LRRC15: variants seen among roughly 807,000 people sequenced by gnomAD.
The protein encoded by LRRC15 is leucine rich repeat containing 15.
LRRC15 carries 5 observed loss-of-function variants against 4.3 expected under a neutral mutation model. That is an observed-to-expected ratio of 1.16 (90% CI 0.61 to 2.44). The LOEUF is 2.44. Among genes scored for constraint, LRRC15 ranks in the 30% most tolerant of loss-of-function variants. The pLI is 0.01. For missense variants in LRRC15, 769 were observed against 747.0 expected, an observed-to-expected ratio of 1.03 and a Z score of -0.34; for synonymous variants, 337 against 323.2, an observed-to-expected ratio of 1.04 and a Z score of -0.46.
Position 194,360,552 on chromosome 3 carries a change from G to T in LRRC15, c.492C>A (p.Ile164=), listed in dbSNP as rs750757157. 8 of 1,614,076 alleles carry T rather than the reference G, an allele frequency of 5.0e-6. No individual in the cohort carries two copies. In the African/African-American group the frequency reaches 9.3e-5, roughly 19 times the overall value. The change falls in exon 2 of 2, where the codon ATC becomes ATA. Residue 164 remains isoleucine (I), a synonymous_variant. Transcript: ENST00000347624. ...LQLHGNHLEY[I]PDGAFDHLVG... Reference sequence around the variant, plus strand: ...CCAGGTGGTCGAAGGCTCCGTCAGGGATGTATTCCAGGTGGTTGCCGTGCA... The same window carrying T: ...CCAGGTGGTCGAAGGCTCCGTCAGGTATGTATTCCAGGTGGTTGCCGTGCA...
At chr3:194,367,203 C>T (rs1713807133) in intron 1 of LRRC15, among the ~76,000 whole-genome samples, 1 of 152,182 alleles carries the variant, frequency 6.6e-6, no homozygotes. Flanking sequence ...GAGGGTTCAC[C>T]AGAAGGTGTT....
rs1003873585 is a variant in LRRC15, at chr3:194,359,614, T to C, written c.1430A>G (p.His477Arg). Reference protein sequence around the residue: ...INVNVAVPSVHVPEVPSYPET... With the variant: ...INVNVAVPSVRVPEVPSYPET... ...TGGGTAACTAGGCACCTCGGGGACATGGACGCTTGGAACAGCAACGTTGAC... is the reference window on the plus strand; with the variant it reads ...TGGGTAACTAGGCACCTCGGGGACACGGACGCTTGGAACAGCAACGTTGAC... The change falls in exon 2 of 2, where the codon CAT (histidine) becomes CGT (arginine). Residue 477 changes from histidine to arginine, a missense_variant. Transcript: ENST00000347624. 2.5e-6 allele frequency: 4 copies of C among 1,613,834 alleles called. No homozygotes were observed. The highest frequency in any genetic ancestry group is 2.2e-5 in the South Asian group (2 of 91,002).
chr3:194,360,542 C>T lies in LRRC15; in HGVS notation c.502G>A (p.Ala168Thr). The change falls in exon 2 of 2, where the codon GCC becomes ACC. Residue 168 changes from alanine (A) to threonine (T), a missense_variant. Coordinates refer to ENST00000347624, the MANE Select transcript of LRRC15 (RefSeq NM_130830.5). ...GNHLEYIPDGAFDHLVGLTKL... is the reference protein window; with the variant it reads ...GNHLEYIPDGTFDHLVGLTKL... ...GTGAGTCCTACCAGGTGGTCGAAGG[C>T]TCCGTCAGGGATGTATTCCAGGTGG... 1 of 1,614,134 alleles carries T rather than the reference C, an allele frequency of 6.2e-7. No individual in the cohort carries two copies. The highest frequency in any genetic ancestry group is 8.5e-7 in the Non-Finnish European group (1 of 1,180,024).
chr3:194,366,277 G>T (rs1452068432), intron 1 of LRRC15, among the ~76,000 whole-genome samples: 5 of 152,272 alleles, frequency 3.3e-5, no homozygotes, highest in Non-Finnish European at 7.3e-5. Flanking sequence ...CGTTGCTGCT[G>T]TGAGGATTAA....
chr3:194,359,655 G>C lies in LRRC15; in HGVS notation c.1389C>G (p.Ser463=), dbSNP rs777872937. 2.5e-6 allele frequency: 4 copies of C among 1,614,132 alleles called. No individual in the cohort carries two copies. Among genetic ancestry groups the C allele is most frequent in the Middle Eastern group, 1.7e-4 (1 of 6,060 alleles). The change falls in exon 2 of 2, where the codon TCC becomes TCG. Residue 463 remains serine (S), a synonymous_variant. Transcript: ENST00000347624. ...CAACGTTGACATTGATGATAATGAG[G>C]GACTGGCCTCGGACATTGGCTGGGC... is the stretch of plus-strand genomic sequence containing the variant. The part of the protein sequence containing the change: ...CFSPANVRGQ[S]LIIINVNVAV...
chr3:194,364,217 G>C (rs1049702482), intron 1 of LRRC15, among the ~76,000 whole-genome samples: 1 of 152,114 alleles, frequency 6.6e-6, no homozygotes, highest in African/African-American at 2.4e-5. Flanking sequence ...GAGTTTCAGG[G>C]CATGAGAAAA....
In LRRC15 at chr3:194,360,453, G is replaced by T; in HGVS notation, c.591C>A (p.Gly197=). 6.2e-7 allele frequency: 1 copy of T among 1,614,128 alleles called. No homozygotes were observed. The highest frequency in any genetic ancestry group is 1.1e-5 in the South Asian group (1 of 91,078). Residue 197 remains glycine, a synonymous_variant, in exon 2 of 2, where the codon GGC becomes GGA. Transcript: ENST00000347624. ...HISPRVFQHL[G]NLQVLRLYEN... ...CATACAGCCGGAGGACCTGGAGGTT[G>T]CCCAGGTGCTGGAAGACCCTGGGTG...
Position 194,360,685 on chromosome 3 carries a change from AG to A in LRRC15, c.358del (p.Leu120SerfsTer54). Reference protein sequence around the residue: ...NNKLQVLPIGLFQGLDSLESL... With the variant: ...NNKLQVLPIGXFQGLDSLESL... ...CTCGAGGCTGTCCAGGCCCTGGAAGAGGCCGATGGGCAGAACCTGCAGCTTG... is the reference window on the plus strand; with the variant it reads ...CTCGAGGCTGTCCAGGCCCTGGAAGAGCCGATGGGCAGAACCTGCAGCTTG... On this transcript the variant is annotated frameshift_variant, in exon 2 of 2. Transcript: ENST00000347624. LOFTEE classifies it low-confidence loss of function (END_TRUNC). 5 of 1,614,194 alleles carry A rather than the reference AG, an allele frequency of 3.1e-6. No homozygotes were observed. Among genetic ancestry groups the A allele is most frequent in the Non-Finnish European group, 4.2e-6 (5 of 1,180,020 alleles).
At position 194,360,638 on chromosome 3, in the gene LRRC15, G is replaced by C; in HGVS notation, c.406C>G (p.Gln136Glu). 1 of 1,614,208 alleles carries C rather than the reference G, an allele frequency of 6.2e-7. No individual in the cohort carries two copies. The highest frequency in any genetic ancestry group is 1.1e-5 in the South Asian group (1 of 91,082). Residue 136 changes from glutamine (Q) to glutamate (E), a missense_variant, in exon 2 of 2, where the codon CAG (glutamine) becomes GAG (glutamate). Coordinates refer to ENST00000347624, the MANE Select transcript of LRRC15 (RefSeq NM_130830.5). ...TGGGCCGGCTGGATCTGCAACAGCTGGTTACTGGACAGAAGGAGAGACTCG... is the reference window on the plus strand; with the variant it reads ...TGGGCCGGCTGGATCTGCAACAGCTCGTTACTGGACAGAAGGAGAGACTCG... The part of the protein sequence containing the change: ...SLESLLLSSN[Q>E]LLQIQPAHFS...
At chr3:194,369,015 C>T (rs371402177) in intron 1 of LRRC15, among the ~76,000 whole-genome samples, 2 of 152,230 alleles carry the variant, frequency 1.3e-5, no homozygotes, top group South Asian at 2.1e-4. Context: ...TCCCCTAAGC[C>T]ACACTGTTAG....
In LRRC15 at chr3:194,355,482, C is replaced by T. The variant is rs8513; in HGVS notation, c.*3816G>A. ...CATGAAGGCAGCGGGTTGGTGAGAACAATCTCTCCTTAAGAGAAGAAGAAA... is the reference window on the plus strand; with the variant it reads ...CATGAAGGCAGCGGGTTGGTGAGAATAATCTCTCCTTAAGAGAAGAAGAAA... On this transcript the variant is annotated 3_prime_UTR_variant, in exon 2 of 2. Coordinates refer to ENST00000347624, the MANE Select transcript of LRRC15 (RefSeq NM_130830.5). The T allele has an allele frequency of 0.21, 31,468 of 152,210 alleles. 3,595 individuals carry two copies. The highest frequency in any genetic ancestry group is 0.27 in the Non-Finnish European group (18,050 of 67,996). 9.4% of individuals were successfully genotyped at this position (152,210 alleles called of 1,614,324 possible). A position where few individuals can be genotyped will look rare whatever the true frequency, so the allele number is the denominator to read the frequency against.
In LRRC15 at chr3:194,359,072, T is replaced by G; in HGVS notation, c.*226A>C. The G allele has an allele frequency of 2.2e-6, 1 of 446,772 alleles. No homozygotes were observed. 27.7% of individuals were successfully genotyped at this position (446,772 alleles called of 1,614,324 possible). On this transcript the variant is annotated 3_prime_UTR_variant, in exon 2 of 2. Coordinates refer to ENST00000347624, the MANE Select transcript of LRRC15 (RefSeq NM_130830.5). Reference sequence around the variant, plus strand: ...GTATGAATCGGAAATCCCCAGGGCTTTTGCCATGGCCAGTTGGATCTATCT... The same window carrying G: ...GTATGAATCGGAAATCCCCAGGGCTGTTGCCATGGCCAGTTGGATCTATCT...
At chr3:194,366,410 C>T (rs182825418) in intron 1 of LRRC15, among the ~76,000 whole-genome samples, 2 of 152,310 alleles carry the variant, frequency 1.3e-5, no homozygotes, top group Non-Finnish European at 2.9e-5. Context: ...AGACTCCACC[C>T]GCAGAGATCC....
chr3:194,366,207 C>G (rs1225369226), intron 1 of LRRC15, among the ~76,000 whole-genome samples: 1 of 152,242 alleles, frequency 6.6e-6, no homozygotes, highest in Non-Finnish European at 1.5e-5. Flanking sequence ...CACCAAACAT[C>G]CCCTCTCCTG....
intron 1 of LRRC15, among the ~76,000 whole-genome samples, chr3:194,366,888 G>A (rs557486790): frequency 3.3e-5 from 5 of 152,252 alleles, no homozygotes; most frequent in Admixed American, 1.3e-4. Flanking sequence ...CCTGACACCC[G>A]ATCAGGGCCC....
intron 1 of LRRC15, among the ~76,000 whole-genome samples, chr3:194,362,327 C>T (rs1053162109): frequency 9.2e-5 from 14 of 152,168 alleles, no homozygotes; most frequent in African/African-American, 2.4e-4. Flanking sequence ...GGAGCGAATG[C>T]GGAAAGGATG....
At chr3:194,366,793 C>T (rs148782930) in intron 1 of LRRC15, among the ~76,000 whole-genome samples, 65 of 151,846 alleles carry the variant, frequency 4.3e-4, no homozygotes, top group African/African-American at 1.4e-3. Context: ...CTAGTCAAAC[C>T]GTCTGCTCAT....
rs201515429 is a variant in LRRC15, at chr3:194,359,817, G to A, written c.1227C>T (p.Phe409=). ...GCTCACACAGTTTCCCCAGGTGATCGAAGATGCCGAGGGGCAAGTTCTCCA... is the reference window on the plus strand; with the variant it reads ...GCTCACACAGTTTCCCCAGGTGATCAAAGATGCCGAGGGGCAAGTTCTCCA... The part of the protein sequence containing the change: ...NQLENLPLGI[F]DHLGKLCELR... Residue 409 remains phenylalanine, a synonymous_variant, in exon 2 of 2, where the codon TTC becomes TTT. Coordinates refer to ENST00000347624, the MANE Select transcript of LRRC15 (RefSeq NM_130830.5). The A allele has an allele frequency of 7.4e-6, 12 of 1,614,006 alleles. No individual in the cohort carries two copies. The highest frequency in any genetic ancestry group is 3.3e-5 in the Admixed American group (2 of 60,014).
chr3:194,359,596 C>T lies in LRRC15; in HGVS notation c.1448G>A (p.Ser483Asn), dbSNP rs1207085957. ...VPSVHVPEVP[S>N]YPETPWYPDT... is the part of the protein sequence containing the mutation. ...TGGGTACCATGGTGTTTCTGGGTAA[C>T]TAGGCACCTCGGGGACATGGACGCT... Residue 483 changes from serine (S) to asparagine (N), a missense_variant, in exon 2 of 2, where the codon AGT becomes AAT. Ser to Asn is a conservative substitution (Grantham distance 46). Coordinates refer to ENST00000347624, the MANE Select transcript of LRRC15 (RefSeq NM_130830.5). 4 of 1,613,732 alleles carry T rather than the reference C, an allele frequency of 2.5e-6. No homozygotes were observed. The East Asian group carries it at 6.7e-5, about 27-fold the overall frequency.
Sources: gnomAD v4.1 joint callset for allele counts (sites outside exome capture counted in the v4.1 genomes callset) on GRCh38, gnomAD v4.1.1 for gene constraint, MANE v1.5 for transcripts, NCBI Gene and HGNC (gene_info 2026-07-23, HGNC 2026-07-21) for gene names.